Variants in PSMA6 observed in about 807,000 individuals in gnomAD.
The protein encoded by PSMA6 is proteasome subunit alpha type-6.
For synonymous variants in PSMA6, 88 were observed against 97.7 expected (o/e 0.90, Z 0.59); for missense variants, 170 against 294.8 (o/e 0.58, Z 3.10).
intron 1 of PSMA6, among the ~76,000 whole-genome samples, chr14:35,302,087 C>G (rs2051725321): frequency 6.6e-6 from 1 of 152,034 alleles, no homozygotes; most frequent in Non-Finnish European, 1.5e-5. Context: ...GACCCTCTGC[C>G]TGCTTTTGCC....
intron 1 of PSMA6, among the ~76,000 whole-genome samples, chr14:35,295,001 C>T (rs1362029786): frequency 1.3e-5 from 2 of 151,960 alleles, no homozygotes; most frequent in Non-Finnish European, 2.9e-5. Context: ...AGATAAATGT[C>T]GTCTAAAGTT....
At chr14:35,282,003 G>C (rs922976419) in intron 1 of PSMA6, among the ~76,000 whole-genome samples, 1 of 151,916 alleles carries the variant, frequency 6.6e-6, no homozygotes, top group African/African-American at 2.4e-5. Context: ...ATACCTTTAG[G>C]CTCTGACTGG....
chr14:35,296,950 T>G, intron 1 of PSMA6, among the ~76,000 whole-genome samples: 1 of 149,958 alleles, frequency 6.7e-6, no homozygotes, highest in Non-Finnish European at 1.5e-5. Flanking sequence ...CCCCCTCTCT[T>G]TCCCCCTCCC....
At chr14:35,307,410 T>C (rs1304880222) in intron 1 of PSMA6, among the ~76,000 whole-genome samples, 1 of 152,172 alleles carries the variant, frequency 6.6e-6, no homozygotes, top group Non-Finnish European at 1.5e-5. Flanking sequence ...ACATCATTGA[T>C]AAAGATGCAG....
rs2051972980 is a variant in PSMA6 at position 35,312,971 on chromosome 14, C to T, written c.500C>T (p.Ala167Val). 2 of 1,583,868 alleles carry T rather than the reference C, an allele frequency of 1.3e-6. No individual in the cohort carries two copies. The highest frequency in any genetic ancestry group is 1.7e-6 in the Non-Finnish European group (2 of 1,171,414). Residue 167 changes from alanine (A) to valine (V), a missense_variant, in exon 5 of 7, where the codon GCA becomes GTA. Ala to Val is a moderately conservative substitution (Grantham distance 64). Transcript: ENST00000261479. ...AGYYCGFKAT[A>V]AGVKQTESTS... ...TACTACTGTGGGTTTAAAGCCACTG[C>T]AGCGGGAGTTAAACAAACTGAGTCA...
upstream of PSMA6, among the ~76,000 whole-genome samples, chr14:35,291,610 G>A (rs2051481570): frequency 6.6e-6 from 1 of 151,958 alleles, no homozygotes; most frequent in African/African-American, 2.4e-5. Context: ...GATCACTTGG[G>A]CTCAGGAGTT....
intron 1 of PSMA6, among the ~76,000 whole-genome samples, chr14:35,303,402 G>A (rs1434675853): frequency 3.9e-5 from 6 of 152,058 alleles, no homozygotes; most frequent in Non-Finnish European, 7.4e-5. Flanking sequence ...TTGTTTTCTG[G>A]CAGCTATTGT....
At chr14:35,301,192 A>T (rs1257048395) in intron 1 of PSMA6, among the ~76,000 whole-genome samples, 1 of 152,132 alleles carries the variant, frequency 6.6e-6, no homozygotes, top group Non-Finnish European at 1.5e-5. Flanking sequence ...GAAGAGTAGG[A>T]ATGATATTCT....
chr14:35,287,302 G>A (rs769654560), intron 1 of PSMA6, among the ~76,000 whole-genome samples: 1 of 152,150 alleles, frequency 6.6e-6, no homozygotes, highest in East Asian at 1.9e-4. Context: ...TATTACAGCT[G>A]TCCTTTGGGG....
chr14:35,304,101 T>A (rs970050149), intron 1 of PSMA6, among the ~76,000 whole-genome samples: 2 of 151,952 alleles, frequency 1.3e-5, no homozygotes, highest in Admixed American at 1.3e-4. Context: ...GCCTCCTGAG[T>A]AGCTGGGATT....
At chr14:35,280,932 T>C (rs1192561319) in intron 1 of PSMA6, among the ~76,000 whole-genome samples, 1 of 152,198 alleles carries the variant, frequency 6.6e-6, no homozygotes, top group East Asian at 1.9e-4. Flanking sequence ...GGCCAACCTT[T>C]TTGATTAGTT....
upstream of PSMA6, chr14:35,278,608 C>A: frequency 7.4e-7 from 1 of 1,354,452 alleles, no homozygotes; most frequent in Non-Finnish European, 1.0e-6. Flanking sequence ...ACGATTCCAT[C>A]CATGCGGCTC....
At chr14:35,279,877 C>T (rs1026870538) in intron 1 of PSMA6, among the ~76,000 whole-genome samples, 4 of 152,234 alleles carry the variant, frequency 2.6e-5, no homozygotes, top group African/African-American at 9.6e-5. Flanking sequence ...GTAATCCCAG[C>T]ACTTTGGGAG....
At chr14:35,294,851 A>C (rs1381842273) in intron 1 of PSMA6, among the ~76,000 whole-genome samples, 1 of 152,136 alleles carries the variant, frequency 6.6e-6, no homozygotes, top group Non-Finnish European at 1.5e-5. Flanking sequence ...GAATCCTCCA[A>C]AGACAAAGCA....
intron 1 of PSMA6, among the ~76,000 whole-genome samples, chr14:35,301,585 G>A (rs1465880978): frequency 1.3e-5 from 2 of 152,032 alleles, no homozygotes; most frequent in African/African-American, 2.4e-5. Flanking sequence ...CATATGACTA[G>A]TGACTATCAT....
At chr14:35,280,287 A>C (rs960700208) in intron 1 of PSMA6, among the ~76,000 whole-genome samples, 1 of 152,176 alleles carries the variant, frequency 6.6e-6, no homozygotes, top group African/African-American at 2.4e-5. Context: ...TAAAAATACA[A>C]CAACAACAAA....
chr14:35,290,774 TA>T (rs1356755463), upstream of PSMA6, among the ~76,000 whole-genome samples: 1 of 152,170 alleles, frequency 6.6e-6, no homozygotes, highest in African/African-American at 2.4e-5. Context: ...TTGTATTCAT[TA>T]AATGGGAGTG....
At chr14:35,305,765 A>G (rs1397132054) in intron 1 of PSMA6, among the ~76,000 whole-genome samples, 3 of 152,194 alleles carry the variant, frequency 2.0e-5, no homozygotes, top group Non-Finnish European at 4.4e-5. Flanking sequence ...ATTTTCTACC[A>G]TGAGCATGTA....
intron 1 of PSMA6, among the ~76,000 whole-genome samples, chr14:35,281,824 A>G (rs28708376): frequency 0.15 from 22,774 of 152,128 alleles, 3,201 homozygotes; most frequent in African/African-American, 0.36. Flanking sequence ...CTTTGCCTCT[A>G]TCAGTCCTCT....
Sources: allele counts gnomAD v4.1 joint callset (sites outside exome capture counted in the v4.1 genomes callset), GRCh38; gene constraint gnomAD v4.1.1; transcripts MANE v1.5; gene names NCBI Gene and HGNC (gene_info 2026-07-23, HGNC 2026-07-21).